Variants in TOR3A observed in about 807,000 individuals in gnomAD.
TOR3A encodes torsin-3A.
A neutral mutation model predicts 42.1 loss-of-function variants in TOR3A; 44 were observed. That is an observed-to-expected ratio of 1.04 (90% CI 0.82 to 1.34). TOR3A has a LOEUF of 1.34. TOR3A is among the 40% of genes most tolerant of loss of function. The probability of loss-of-function intolerance (pLI) is 0.00; values close to 1 mark genes in which losing one functional copy is unlikely to be tolerated. For missense variants in TOR3A, 521 were observed against 507.6 expected, an observed-to-expected ratio of 1.03 and a Z score of -0.25; for synonymous variants, 227 against 213.2, an observed-to-expected ratio of 1.06 and a Z score of -0.57.
Position 179,095,563 on chromosome 1 carries a change from A to AG in TOR3A, c.*346dup. 8.7e-7 allele frequency: 1 copy of AG among 1,151,474 alleles called. No individual in the cohort carries two copies. Among genetic ancestry groups the AG allele is most frequent in the Non-Finnish European group, 1.1e-6 (1 of 932,114 alleles). The allele number at this position is 1,151,474 out of a possible 1,614,324, so 71.3% of individuals were successfully genotyped here. A position where few individuals can be genotyped will look rare whatever the true frequency, so the allele number is the denominator to read the frequency against. On this transcript the variant is annotated 3_prime_UTR_variant, in exon 6 of 6. Transcript: ENST00000367627. The stretch of plus-strand genomic sequence containing the variant: ...AGGTGGTTGAAGAAAGCCATGTGGG[A>AG]GCTCAGCAAATCCCAAGGGCTTATT...
rs759251779 is a variant in TOR3A at position 179,095,051 on chromosome 1, G to C, written c.1027G>C (p.Val343Leu). 3 of 1,614,192 alleles carry C rather than the reference G, an allele frequency of 1.9e-6. No individual in the cohort carries two copies. Among genetic ancestry groups the C allele is most frequent in the Middle Eastern group, 1.6e-4 (1 of 6,062 alleles). Reference sequence around the variant, plus strand: ...CTTCCTGCCTTTGGAGTACCGTCACGTGAGGCTGTGTGCACGGGATGCCTT... The same window carrying C: ...CTTCCTGCCTTTGGAGTACCGTCACCTGAGGCTGTGTGCACGGGATGCCTT... ...IPFLPLEYRH[V>L]RLCARDAFLS... The change falls in exon 6 of 6, where the codon GTG becomes CTG. Residue 343 changes from valine to leucine, a missense_variant. Physicochemically the swap from Val to Leu is conservative, Grantham distance 32 (BLOSUM62 1). Transcript: ENST00000367627.
chr1:179,088,196 AAC>A, intron 4 of TOR3A, 107 bp downstream of exon 4: 1 of 1,212,180 alleles, frequency 8.2e-7, no homozygotes. Context: ...CTCAAGAAAA[AAC>A]AGCACAAACT....
At chr1:179,094,304 A>T (rs1318779087) in intron 5 of TOR3A, 87 bp downstream of exon 5, 7 of 1,507,156 alleles carry the variant, frequency 4.6e-6, no homozygotes, top group Non-Finnish European at 6.2e-6. Flanking sequence ...TATGAAGCAG[A>T]CAGGGTACTT....
intron 4 of TOR3A, among the ~76,000 whole-genome samples, chr1:179,092,022 G>A (rs986344646): frequency 6.6e-6 from 1 of 152,228 alleles, no homozygotes; most frequent in African/African-American, 2.4e-5. Context: ...TTCCTGCCGG[G>A]CTCCTCCAGC....
chr1:179,088,148 G>C (rs1300987054), intron 4 of TOR3A, 59 bp downstream of exon 4: 1 of 1,479,968 alleles, frequency 6.8e-7, no homozygotes, highest in African/African-American at 1.4e-5. Flanking sequence ...CTAGCTGGCA[G>C]TGGAGGCTTC....
In TOR3A at chr1:179,095,882, T is replaced by G. The variant is rs932913595; in HGVS notation, c.*664T>G. On this transcript the variant is annotated 3_prime_UTR_variant, in exon 6 of 6. Transcript: ENST00000367627. Reference sequence around the variant, plus strand: ...AAACCAGGTCAGTGTAGGCCAAGACTTATGGTCTACAGATTTTGGCGGGGG... The same window carrying G: ...AAACCAGGTCAGTGTAGGCCAAGACGTATGGTCTACAGATTTTGGCGGGGG... 3.0e-5 allele frequency: 30 copies of G among 984,870 alleles called. No individual in the cohort carries two copies. Among genetic ancestry groups the G allele is most frequent in the Non-Finnish European group, 3.6e-5 (30 of 830,030 alleles). The allele number at this position is 984,870 out of a possible 1,614,324, so 61.0% of individuals were successfully genotyped here.
intron 4 of TOR3A, among the ~76,000 whole-genome samples, chr1:179,091,078 C>T (rs1652569006): frequency 6.6e-6 from 1 of 152,184 alleles, no homozygotes; most frequent in African/African-American, 2.4e-5. Flanking sequence ...AAAGAGATGA[C>T]TGAGTCTATG....
Position 179,095,222 on chromosome 1 carries a change from C to T in TOR3A, c.*4C>T. 6.2e-7 allele frequency: 1 copy of T among 1,613,738 alleles called. No homozygotes were observed. On this transcript the variant is annotated 3_prime_UTR_variant, in exon 6 of 6. Coordinates refer to ENST00000367627, the MANE Select transcript of TOR3A (RefSeq NM_022371.4). The stretch of plus-strand genomic sequence containing the variant: ...GATTAACTACTTCCTGTCATGAAGG[C>T]TAGAGGAAGACTTCCTGGAACTGCC...
At chr1:179,089,457 G>A (rs1013422696) in intron 4 of TOR3A, among the ~76,000 whole-genome samples, 1 of 152,178 alleles carries the variant, frequency 6.6e-6, no homozygotes, top group African/African-American at 2.4e-5. Context: ...AGGGGAGTGG[G>A]GCGCCCAGGG....
intron 4 of TOR3A, among the ~76,000 whole-genome samples, chr1:179,088,701 C>T (rs1046146402): frequency 6.6e-6 from 1 of 152,216 alleles, no homozygotes; most frequent in African/African-American, 2.4e-5. Context: ...CGCTACCATG[C>T]GGGACCCAGT....
In TOR3A at chr1:179,095,696, C is replaced by T. The variant is rs999963822; in HGVS notation, c.*478C>T. ...CCTTGGGTTACAGAGCCGGGGAGAA[C>T]GAAGTTCTGTGACCCAGGGGTGGAG... On this transcript the variant is annotated 3_prime_UTR_variant, in exon 6 of 6. Transcript: ENST00000367627. 7 of 995,336 alleles carry T rather than the reference C, an allele frequency of 7.0e-6. No individual in the cohort carries two copies. The highest frequency in any genetic ancestry group is 1.1e-4 in the Admixed American group (2 of 18,002). 61.7% of individuals were successfully genotyped at this position (995,336 alleles called of 1,614,324 possible).
At chr1:179,093,043 GTGGAGC>G in intron 4 of TOR3A, among the ~76,000 whole-genome samples, 1 of 152,288 alleles carries the variant, frequency 6.6e-6, no homozygotes, top group Middle Eastern at 3.4e-3. Context: ...GTGCATTGAT[GTGGAGC>G]TGGGCAAGGA....
At chr1:179,091,548 A>ATG (rs1652580465) in intron 4 of TOR3A, 1 of 152,282 alleles carries the variant, frequency 6.6e-6, no homozygotes, top group Non-Finnish European at 1.5e-5. Flanking sequence ...ATGTGCAGAG[A>ATG]TGTCCCTTTA....
chr1:179,082,615 C>T, intron 1 of TOR3A: 2 of 719,756 alleles, frequency 2.8e-6, no homozygotes, highest in Admixed American at 2.1e-5. Flanking sequence ...CCCGGCTTCC[C>T]GTCCCCCGCC....
intron 1 of TOR3A, 36 bp from the exon 2 acceptor site, chr1:179,082,904 G>GT (rs1652332352): frequency 7.2e-7 from 1 of 1,392,898 alleles, no homozygotes; most frequent in Non-Finnish European, 1.0e-6. Context: ...AGCACCGGAT[G>GT]GTCTCCTCTC....
chr1:179,085,737 T>C lies in TOR3A; in HGVS notation c.483T>C (p.Leu161=). The stretch of plus-strand genomic sequence containing the variant: ...AGACGCCCCAGCCAGAAAAGGCCCT[T>C]GCTCTGTCGTTCCACGGCTGGTCTG... ...YLETPQPEKA[L]ALSFHGWSGT... The change falls in exon 3 of 6, where the codon CTT becomes CTC. Residue 161 remains leucine, a synonymous_variant. Transcript: ENST00000367627. 6 of 1,614,224 alleles carry C rather than the reference T, an allele frequency of 3.7e-6. No individual in the cohort carries two copies. The highest frequency in any genetic ancestry group is 5.1e-6 in the Non-Finnish European group (6 of 1,180,044).
At chr1:179,084,399 G>A (rs907158513) in intron 2 of TOR3A, among the ~76,000 whole-genome samples, 3 of 151,996 alleles carry the variant, frequency 2.0e-5, no homozygotes, top group African/African-American at 7.3e-5. Flanking sequence ...GCTAATTTTT[G>A]TATTTTTAGT....
Position 179,095,868 on chromosome 1 carries a change from G to C in TOR3A, c.*650G>C. ...GGAAGATATTTTACAAACCAGGTCAGTGTAGGCCAAGACTTATGGTCTACA... is the reference window on the plus strand; with the variant it reads ...GGAAGATATTTTACAAACCAGGTCACTGTAGGCCAAGACTTATGGTCTACA... On this transcript the variant is annotated 3_prime_UTR_variant, in exon 6 of 6. Coordinates refer to ENST00000367627, the MANE Select transcript of TOR3A (RefSeq NM_022371.4). The C allele has an allele frequency of 1.0e-6, 1 of 985,652 alleles. No individual in the cohort carries two copies. Among genetic ancestry groups the C allele is most frequent in the Non-Finnish European group, 1.2e-6 (1 of 830,392 alleles). 61.1% of individuals were successfully genotyped at this position (985,652 alleles called of 1,614,324 possible).
In TOR3A at chr1:179,095,575, C is replaced by A; in HGVS notation, c.*357C>A. ...AAAGCCATGTGGGAGCTCAGCAAAT[C>A]CCAAGGGCTTATTATGACACTCCAG... On this transcript the variant is annotated 3_prime_UTR_variant, in exon 6 of 6. Coordinates refer to ENST00000367627, the MANE Select transcript of TOR3A (RefSeq NM_022371.4). 6 of 1,136,126 alleles carry A rather than the reference C, an allele frequency of 5.3e-6. No homozygotes were observed. Among genetic ancestry groups the A allele is most frequent in the Non-Finnish European group, 6.5e-6 (6 of 922,860 alleles). 70.4% of individuals were successfully genotyped at this position (1,136,126 alleles called of 1,614,324 possible). A position where few individuals can be genotyped will look rare whatever the true frequency, so the allele number is the denominator to read the frequency against.
Sources: gnomAD v4.1 joint callset for allele counts (sites outside exome capture counted in the v4.1 genomes callset) on GRCh38, gnomAD v4.1.1 for gene constraint, MANE v1.5 for transcripts, NCBI Gene and HGNC (gene_info 2026-07-23, HGNC 2026-07-21) for gene names.